Variants in SIPA1L1 observed in about 807,000 individuals in gnomAD.
SIPA1L1 encodes the protein signal induced proliferation associated 1 like 1, also known as signal-induced proliferation-associated 1-like protein 1.
Under a neutral mutation model 162.7 loss-of-function variants are expected in SIPA1L1, and 26 were observed. The observed-to-expected ratio is 0.16, with a 90% CI of 0.12 to 0.22. SIPA1L1 has a LOEUF of 0.22. SIPA1L1 is among the 10% of genes least tolerant of loss of function. The pLI is 1.00. For synonymous variants in SIPA1L1, 829 were observed against 837.4 expected, an observed-to-expected ratio of 0.99 and a Z score of 0.17; for missense variants, 1,874 against 2,241.0, an observed-to-expected ratio of 0.84 and a Z score of 3.31.
chr14:71,700,574 A>G (rs1446775539), intron 14 of SIPA1L1, among the ~76,000 whole-genome samples: 4 of 152,236 alleles, frequency 2.6e-5, no homozygotes, highest in African/African-American at 9.6e-5. Flanking sequence ...AGAAGTTTTC[A>G]TAAATCAAGG....
intron 8 of SIPA1L1, 41 bp downstream of exon 8, chr14:71,650,550 CCT>C (rs1415787182): frequency 2.5e-6 from 4 of 1,587,476 alleles, no homozygotes; most frequent in East Asian, 2.2e-5. Context: ...TTATTTTCCC[CCT>C]GTTGTGCTGT....
intron 2 of SIPA1L1, among the ~76,000 whole-genome samples, chr14:71,483,869 G>C (rs530978057): frequency 6.6e-6 from 1 of 152,104 alleles, no homozygotes; most frequent in African/African-American, 2.4e-5. Context: ...GATGCACTAT[G>C]CTCTCTGTCA....
intron 8 of SIPA1L1, among the ~76,000 whole-genome samples, chr14:71,654,012 C>A (rs2042852995): frequency 6.6e-6 from 1 of 152,188 alleles, no homozygotes; most frequent in African/African-American, 2.4e-5. Context: ...CCTCTTAAGC[C>A]CTTGAGCTAA....
chr14:71,700,105 T>C (rs1191920162), intron 14 of SIPA1L1, among the ~76,000 whole-genome samples: 1 of 152,216 alleles, frequency 6.6e-6, no homozygotes, highest in Non-Finnish European at 1.5e-5. Context: ...AAATTAAAAG[T>C]TCATCAGATG....
intron 2 of SIPA1L1, among the ~76,000 whole-genome samples, chr14:71,430,583 G>A (rs1245174792): frequency 1.3e-5 from 2 of 152,180 alleles, no homozygotes; most frequent in East Asian, 1.9e-4. Context: ...CAAGCTGCAC[G>A]GGACCAGAGA....
At chr14:71,544,503 A>G (rs758140777) in intron 4 of SIPA1L1, among the ~76,000 whole-genome samples, 1 of 152,128 alleles carries the variant, frequency 6.6e-6, no homozygotes, top group Non-Finnish European at 1.5e-5. Context: ...TTTCATGGTT[A>G]ACGCTGTACT....
Position 71,738,286 on chromosome 14 carries a change from G to A in SIPA1L1, c.5169G>A (p.Leu1723=), listed in dbSNP as rs750594501. Residue 1723 remains leucine (L), a synonymous_variant, in exon 23 of 24, where the codon CTG becomes CTA. Coordinates refer to ENST00000381232, the MANE Select transcript of SIPA1L1 (RefSeq NM_001386936.1). ...CTCTGGCTTCTAAAGTGGACCAGCT[G>A]GAAGGTATGCTGAAGATGCTTCGGG... The part of the protein sequence containing the change: ...SPTLASKVDQ[L]EGMLKMLRED... The A allele has an allele frequency of 6.2e-7, 1 of 1,613,686 alleles. No individual in the cohort carries two copies. The highest frequency in any genetic ancestry group is 1.3e-5 in the African/African-American group (1 of 74,974).
At chr14:71,639,271 A>G (rs1248704073) in intron 7 of SIPA1L1, among the ~76,000 whole-genome samples, 2 of 152,160 alleles carry the variant, frequency 1.3e-5, no homozygotes, top group East Asian at 1.9e-4. Flanking sequence ...TTAACCAGGC[A>G]TGGTGGTGTG....
At chr14:71,486,676 T>G (rs2048784514) in intron 2 of SIPA1L1, among the ~76,000 whole-genome samples, 1 of 152,192 alleles carries the variant, frequency 6.6e-6, no homozygotes, top group Non-Finnish European at 1.5e-5. Context: ...CTTGCCAAAA[T>G]TTAGAGTGAA....
At chr14:71,518,630 T>C (rs2051983842) in intron 3 of SIPA1L1, among the ~76,000 whole-genome samples, 2 of 152,116 alleles carry the variant, frequency 1.3e-5, no homozygotes, top group South Asian at 4.1e-4. Context: ...GCACCATTGA[T>C]TGGAATTTGT....
chr14:71,574,551 G>C (rs181210507), intron 4 of SIPA1L1: 4 of 152,296 alleles, frequency 2.6e-5, no homozygotes, highest in Admixed American at 2.0e-4. Context: ...GCTAAGACTC[G>C]TGCTAATATG....
chr14:71,491,594 G>C (rs2049258243), intron 2 of SIPA1L1, among the ~76,000 whole-genome samples: 1 of 151,920 alleles, frequency 6.6e-6, no homozygotes, highest in Non-Finnish European at 1.5e-5. Context: ...GAGTGCAGTG[G>C]TGCAATCATG....
intron 16 of SIPA1L1, among the ~76,000 whole-genome samples, chr14:71,708,915 T>TA (rs1294897216): frequency 2.0e-5 from 3 of 152,162 alleles, no homozygotes; most frequent in Non-Finnish European, 4.4e-5. Context: ...TTTAAGATAC[T>TA]AAAACTTCAA....
At chr14:71,500,363 C>G (rs2050109983) in intron 2 of SIPA1L1, among the ~76,000 whole-genome samples, 1 of 152,164 alleles carries the variant, frequency 6.6e-6, no homozygotes, top group African/African-American at 2.4e-5. Flanking sequence ...AAAGAAGATG[C>G]TCATTTGGAC....
chr14:71,676,934 A>G (rs1356576081), intron 12 of SIPA1L1, among the ~76,000 whole-genome samples: 5 of 152,250 alleles, frequency 3.3e-5, no homozygotes, highest in Non-Finnish European at 5.9e-5. Flanking sequence ...CGCAATAAAC[A>G]TATGTGTGCA....
chr14:71,679,632 A>G (rs1384284227), intron 12 of SIPA1L1, among the ~76,000 whole-genome samples: 2 of 152,246 alleles, frequency 1.3e-5, no homozygotes, highest in Non-Finnish European at 2.9e-5. Context: ...TAAAAGACAC[A>G]GACTGGCAAA....
intron 2 of SIPA1L1, among the ~76,000 whole-genome samples, chr14:71,388,606 G>A (rs776424943): frequency 1.3e-5 from 2 of 152,102 alleles, no homozygotes; most frequent in Non-Finnish European, 2.9e-5. Context: ...TTTTTAATAG[G>A]ATAACTTAGG....
At position 71,587,894 on chromosome 14, in the gene SIPA1L1, C is replaced by G; in HGVS notation, c.22C>G (p.Gln8Glu). 8 of 1,610,064 alleles carry G rather than the reference C, an allele frequency of 5.0e-6. No homozygotes were observed. Among genetic ancestry groups the G allele is most frequent in the Non-Finnish European group, 6.8e-6 (8 of 1,176,556 alleles). Residue 8 changes from glutamine (Q) to glutamate (E), a missense_variant, in exon 5 of 24, where the codon CAG becomes GAG. Coordinates refer to ENST00000381232, the MANE Select transcript of SIPA1L1 (RefSeq NM_001386936.1). MTSLKRS[Q>E]TERPLATDRA... ...CATCATGACCAGCTTGAAACGGTCA[C>G]AGACAGAAAGGCCTCTTGCCACTGA...
At chr14:71,486,694 A>AT (rs1285512790) in intron 2 of SIPA1L1, among the ~76,000 whole-genome samples, 1 of 152,238 alleles carries the variant, frequency 6.6e-6, no homozygotes, top group African/African-American at 2.4e-5. Flanking sequence ...GAAGGGTGTT[A>AT]TTTAAGAGTA....
Sources: gnomAD v4.1 joint callset for allele counts (sites outside exome capture counted in the v4.1 genomes callset) on GRCh38, gnomAD v4.1.1 for gene constraint, MANE v1.5 for transcripts, NCBI Gene and HGNC (gene_info 2026-07-23, HGNC 2026-07-21) for gene names.